Variants in PTPRD observed in about 807,000 individuals in gnomAD.
PTPRD encodes the protein protein tyrosine phosphatase receptor type D.
In PTPRD, 34 loss-of-function variants were observed where a neutral mutation model predicts 214.5. The observed-to-expected ratio is 0.16, with a 90% CI of 0.12 to 0.21. PTPRD has a LOEUF of 0.21. PTPRD is among the 10% of genes least tolerant of loss of function. The probability of loss-of-function intolerance (pLI) is 1.00; values close to 1 mark genes in which losing one functional copy is unlikely to be tolerated. For synonymous variants in PTPRD, 1,128 were observed against 845.7 expected (o/e 1.33, Z -5.79); for missense variants, 2,545 against 2,398.7 (o/e 1.06, Z -1.27).
chr9:8,699,821 A>T (rs1428666275), intron 12 of PTPRD, among the ~76,000 whole-genome samples: 1 of 152,182 alleles, frequency 6.6e-6, no homozygotes, highest in Non-Finnish European at 1.5e-5. Flanking sequence ...ATTTTGCACA[A>T]TTAGGTAGCA....
intron 14 of PTPRD, among the ~76,000 whole-genome samples, chr9:8,537,154 T>G (rs546106837): frequency 6.6e-6 from 1 of 151,968 alleles, no homozygotes; most frequent in Non-Finnish European, 1.5e-5. Context: ...TGTAAGTGAA[T>G]TGAATAAGGG....
chr9:8,917,008 C>T (rs2098790617), intron 11 of PTPRD, among the ~76,000 whole-genome samples: 1 of 151,552 alleles, frequency 6.6e-6, no homozygotes, highest in South Asian at 2.1e-4. Context: ...GGGATAAATG[C>T]CTCTCTTTTC....
At chr9:10,246,858 C>T (rs2092192851) in intron 3 of PTPRD, among the ~76,000 whole-genome samples, 1 of 151,542 alleles carries the variant, frequency 6.6e-6, no homozygotes, top group Non-Finnish European at 1.5e-5. Flanking sequence ...CACACCATTG[C>T]ACTCCAGTCT....
chr9:8,955,337 T>C (rs2099125382), intron 11 of PTPRD, among the ~76,000 whole-genome samples: 1 of 151,810 alleles, frequency 6.6e-6, no homozygotes, highest in African/African-American at 2.4e-5. Flanking sequence ...TCAGATACCA[T>C]CTGCTTGGAT....
intron 7 of PTPRD, among the ~76,000 whole-genome samples, chr9:9,639,213 A>T (rs563154455): frequency 2.6e-4 from 39 of 152,328 alleles, no homozygotes; most frequent in African/African-American, 9.4e-4. Context: ...TATTTATCTC[A>T]GTCTTAGATC....
chr9:9,043,549 A>G (rs1350223601), intron 10 of PTPRD, among the ~76,000 whole-genome samples: 5 of 152,172 alleles, frequency 3.3e-5, no homozygotes, highest in Non-Finnish European at 7.3e-5. Flanking sequence ...GTGCCACTCT[A>G]TCTTTAAAAG....
In PTPRD at chr9:9,386,247, G is replaced by T. The variant is rs1006625092; in HGVS notation, c.-203+11202C>A. On this transcript the variant is annotated intron_variant, in intron 9 of 45. Coordinates refer to ENST00000381196, the MANE Select transcript of PTPRD (RefSeq NM_002839.4). ...GAATGAAGTATGTGAGCCCCTGGCAGGCATGAGTCTACAGACTCATGAACC... is the reference window on the plus strand; with the variant it reads ...GAATGAAGTATGTGAGCCCCTGGCATGCATGAGTCTACAGACTCATGAACC... 9.2e-5 allele frequency among the ~76,000 whole-genome samples: 14 copies of T among 152,252 alleles called. No homozygotes were observed. The South Asian group carries it at 2.5e-3, about 27-fold the overall frequency.
intron 19 of PTPRD, among the ~76,000 whole-genome samples, 178 bp downstream of exon 19, chr9:8,523,335 C>T (rs2097928033): frequency 6.6e-6 from 1 of 152,116 alleles, no homozygotes; most frequent in African/African-American, 2.4e-5. Flanking sequence ...TCCCACCATG[C>T]ACCACAGTTA....
chr9:10,254,387 T>C (rs1265556976), intron 3 of PTPRD, among the ~76,000 whole-genome samples: 1 of 152,212 alleles, frequency 6.6e-6, no homozygotes, highest in Non-Finnish European at 1.5e-5. Flanking sequence ...TTGTTTAATA[T>C]TTGGGCCAAC....
At chr9:9,929,497 G>T (rs574950801) in intron 5 of PTPRD, among the ~76,000 whole-genome samples, 2 of 152,256 alleles carry the variant, frequency 1.3e-5, no homozygotes, top group South Asian at 2.1e-4. Context: ...GGGTTCAAAC[G>T]ATTCTTCTGC....
intron 8 of PTPRD, among the ~76,000 whole-genome samples, chr9:9,513,743 A>C (rs1039699197): frequency 2.0e-5 from 3 of 152,030 alleles, no homozygotes; most frequent in Non-Finnish European, 4.4e-5. Context: ...AAATTCCATA[A>C]AAGAATATTA....
At position 10,438,008 on chromosome 9, in the gene PTPRD, C is replaced by CATATATATTATATATATATATATAT. The variant is rs1555347109; in HGVS notation, c.-599-96992_-599-96991insATATATATATATATATAATATATAT. ...CTGGACTATCAGCTCCCTAAGTCTA[C>CATATATATTATATATATATATATAT]ATATATATATATATATATATAGTGA... On this transcript the variant is annotated intron_variant, in intron 2 of 45. Transcript: ENST00000381196. Among the ~76,000 whole-genome samples the CATATATATTATATATATATATATAT allele has an allele frequency of 5.6e-5, 7 of 125,140 alleles. 1 individual carries two copies. The highest frequency in any genetic ancestry group is 2.7e-4 in the African/African-American group (7 of 25,944). 82.1% of individuals were successfully genotyped at this position (125,140 alleles called of 152,430 possible).
intron 8 of PTPRD, among the ~76,000 whole-genome samples, chr9:9,515,572 T>G (rs1226848027): frequency 6.6e-6 from 1 of 151,904 alleles, no homozygotes; most frequent in Non-Finnish European, 1.5e-5. Context: ...CTCGAGGTGG[T>G]TGCAAAATGA....
chr9:10,072,412 G>C (rs991507745), intron 3 of PTPRD, among the ~76,000 whole-genome samples: 3 of 152,080 alleles, frequency 2.0e-5, no homozygotes, highest in Non-Finnish European at 4.4e-5. Context: ...ATGGAGCCAT[G>C]GACCTTCGCA....
intron 11 of PTPRD, among the ~76,000 whole-genome samples, chr9:8,749,047 TGAA>T (rs1173909232): frequency 6.6e-6 from 1 of 152,062 alleles, no homozygotes; most frequent in Non-Finnish European, 1.5e-5. Context: ...ATGCTACTAA[TGAA>T]CTAAATACAT....
At chr9:10,270,961 T>G (rs1043656616) in intron 3 of PTPRD, among the ~76,000 whole-genome samples, 1 of 151,998 alleles carries the variant, frequency 6.6e-6, no homozygotes, top group Non-Finnish European at 1.5e-5. Context: ...CTCCCAGGAC[T>G]AGAAGAGTGC....
chr9:9,363,915 G>T (rs1051212800), intron 9 of PTPRD, among the ~76,000 whole-genome samples: 17 of 151,232 alleles, frequency 1.1e-4, no homozygotes, highest in Non-Finnish European at 2.4e-4. Context: ...TCTTATTAAT[G>T]AAATTATAAA....
chr9:10,326,466 T>G (rs2154431411), intron 3 of PTPRD, among the ~76,000 whole-genome samples: 1 of 151,846 alleles, frequency 6.6e-6, no homozygotes, highest in Non-Finnish European at 1.5e-5. Flanking sequence ...TATTATGAAA[T>G]ATGCTAATGA....
chr9:8,332,687 T>C (rs536357160), intron 43 of PTPRD, among the ~76,000 whole-genome samples: 1 of 152,254 alleles, frequency 6.6e-6, no homozygotes, highest in East Asian at 1.9e-4. Flanking sequence ...TTAAGGTGTT[T>C]CTAGAAGTAC....
Sources: gnomAD v4.1 joint callset for allele counts (sites outside exome capture counted in the v4.1 genomes callset) on GRCh38, gnomAD v4.1.1 for gene constraint, MANE v1.5 for transcripts, NCBI Gene and HGNC (gene_info 2026-07-23, HGNC 2026-07-21) for gene names.